The following COPG2 variants were observed in gnomAD, a reference collection of about 807,000 sequenced individuals.
The protein encoded by COPG2 is coatomer subunit gamma-2.
A neutral mutation model predicts 46.3 loss-of-function variants in COPG2; 37 were observed. The ratio of observed to expected loss-of-function variants is 0.80; its 90% CI spans 0.61 to 1.05. COPG2 has a LOEUF of 1.05. Among genes scored for constraint, COPG2 ranks in the 50% least tolerant of loss-of-function variants. The pLI, the probability that COPG2 is intolerant of heterozygous loss-of-function variation, is 0.00. For missense variants in COPG2, 427 were observed against 387.8 expected, an observed-to-expected ratio of 1.10 and a Z score of -0.85; for synonymous variants, 159 against 129.7, an observed-to-expected ratio of 1.23 and a Z score of -1.53.
intron 9 of COPG2, among the ~76,000 whole-genome samples, chr7:130,566,013 GA>G (rs1320816082): frequency 1.3e-5 from 2 of 152,024 alleles, no homozygotes; most frequent in East Asian, 3.9e-4. Flanking sequence ...ACACAAAGGG[GA>G]AAAAGAACAT....
intron 9 of COPG2, chr7:130,608,371 A>G: frequency 3.9e-6 from 1 of 254,344 alleles, no homozygotes; most frequent in South Asian, 4.7e-5. Context: ...TTACCTTTTA[A>G]TTTACCTACA....
rs782480117 is a variant in COPG2 at position 130,611,027 on chromosome 7, A to G, written c.663T>C (p.Ser221=). The change falls in exon 9 of 24, where the codon TCT becomes TCC. Residue 221 remains serine (S), a synonymous_variant. Coordinates refer to ENST00000425248, the MANE Select transcript of COPG2 (RefSeq NM_012133.6). The part of the protein sequence containing the change: ...VSKMLNKFTK[S]GLKSQFAYCM... Reference sequence around the variant, plus strand: ...AGTAAGCAAACTGTGACTTGAGACCAGATTTAGTAAACTTATTCAACATCT... The same window carrying G: ...AGTAAGCAAACTGTGACTTGAGACCGGATTTAGTAAACTTATTCAACATCT... The G allele has an allele frequency of 1.5e-5, 24 of 1,613,860 alleles. No homozygotes were observed. Among genetic ancestry groups the G allele is most frequent in the Non-Finnish European group, 2.0e-5 (24 of 1,179,868 alleles).
At chr7:130,581,924 A>G (rs2116440967) in intron 9 of COPG2, among the ~76,000 whole-genome samples, 1 of 150,510 alleles carries the variant, frequency 6.6e-6, no homozygotes, top group Non-Finnish European at 1.5e-5. Context: ...CATACTGCCC[A>G]AGGTAATTTA....
intron 5 of COPG2, among the ~76,000 whole-genome samples, chr7:130,634,984 T>C (rs1297233502): frequency 6.6e-6 from 1 of 151,450 alleles, no homozygotes; most frequent in African/African-American, 2.4e-5. Context: ...GTTTTTGTCA[T>C]TGGCTCTGTT....
chr7:130,646,672 T>C (rs1319756353), intron 5 of COPG2, among the ~76,000 whole-genome samples: 2 of 151,880 alleles, frequency 1.3e-5, no homozygotes, highest in African/African-American at 4.8e-5. Flanking sequence ...AGGTAGGTGA[T>C]TGGATCATGG....
chr7:130,646,809 T>C (rs1012745504), intron 5 of COPG2, among the ~76,000 whole-genome samples: 4 of 151,734 alleles, frequency 2.6e-5, no homozygotes, highest in African/African-American at 9.7e-5. Flanking sequence ...ATGTGCCTGC[T>C]TCCCCTTCTG....
At chr7:130,641,622 G>T (rs1292227023) in intron 5 of COPG2, among the ~76,000 whole-genome samples, 5 of 152,188 alleles carry the variant, frequency 3.3e-5, no homozygotes, top group African/African-American at 4.8e-5. Flanking sequence ...GAAGTTACTG[G>T]AAATCTTTGA....
intron 5 of COPG2, among the ~76,000 whole-genome samples, chr7:130,619,536 C>A (rs1219654415): frequency 6.6e-6 from 1 of 152,098 alleles, no homozygotes; most frequent in African/African-American, 2.4e-5. Context: ...TAGTATTATT[C>A]TTTTTGTATT....
intron 1 of COPG2, among the ~76,000 whole-genome samples, chr7:130,668,283 C>A (rs1554461774): frequency 2.0e-5 from 3 of 152,022 alleles, no homozygotes; most frequent in Non-Finnish European, 2.9e-5. Flanking sequence ...CCGACCCTAC[C>A]AGCACCCCTG....
At chr7:130,618,059 C>G (rs1396208900) in intron 5 of COPG2, among the ~76,000 whole-genome samples, 1 of 130,730 alleles carries the variant, frequency 7.6e-6, no homozygotes, top group Non-Finnish European at 1.6e-5. Context: ...TGAGATGGCA[C>G]CACTGTACTC....
At chr7:130,577,779 A>AC (rs1386469051) in intron 9 of COPG2, among the ~76,000 whole-genome samples, 7 of 151,106 alleles carry the variant, frequency 4.6e-5, no homozygotes, top group African/African-American at 1.7e-4. Flanking sequence ...AAAAAAAAAA[A>AC]AAAAAAAAAC....
In COPG2 at chr7:130,653,607, C is replaced by A. The variant is rs536069326; in HGVS notation, c.244-659G>T. 2.6e-5 allele frequency among the ~76,000 whole-genome samples: 4 copies of A among 152,298 alleles called. No individual in the cohort carries two copies. The South Asian group carries it at 8.3e-4, about 32-fold the overall frequency. ...GCTAACAATGCTCCACCTACTCTCC[C>A]CGACTCAACTGGATCTCTGATTTAT... On this transcript the variant is annotated intron_variant, in intron 4 of 23. Transcript: ENST00000425248.
chr7:130,560,664 A>T (rs1793704466), intron 12 of COPG2, among the ~76,000 whole-genome samples: 2 of 152,338 alleles, frequency 1.3e-5, no homozygotes, highest in South Asian at 4.1e-4. Context: ...CCTAAAATAT[A>T]TGGGTATTTG....
In COPG2 at chr7:130,508,637, G is replaced by A. The variant is rs1275556228; in HGVS notation, c.2172C>T (p.Thr724=). 1 of 771,140 alleles carries A rather than the reference G, an allele frequency of 1.3e-6. No homozygotes were observed. The highest frequency in any genetic ancestry group is 2.4e-6 in the Non-Finnish European group (1 of 413,800). The allele number at this position is 771,140 out of a possible 1,614,324, so 47.8% of individuals were successfully genotyped here. A position where few individuals can be genotyped will look rare whatever the true frequency, so the allele number is the denominator to read the frequency against. Residue 724 remains threonine, a synonymous_variant, in exon 21 of 24, where the codon ACC becomes ACT. Coordinates refer to ENST00000425248, the MANE Select transcript of COPG2 (RefSeq NM_012133.6). The part of the protein sequence containing the change: ...PTAVAGSFSC[T]MKFTVRDCDP... ...CACAGTCCCGGACTGTAAACTTCAT[G>A]GTGCAGCTAAAGGAGCCTGCAACTG... is the stretch of plus-strand genomic sequence containing the variant.
chr7:130,663,101 T>C (rs1554461003), intron 3 of COPG2, 63 bp from the exon 4 acceptor site: 2 of 800,374 alleles, frequency 2.5e-6, no homozygotes, highest in South Asian at 2.1e-5. Context: ...TATGTACATA[T>C]ACACACACAG....
intron 5 of COPG2, among the ~76,000 whole-genome samples, chr7:130,618,678 T>C (rs1343952193): frequency 1.3e-5 from 2 of 152,184 alleles, no homozygotes; most frequent in African/African-American, 4.8e-5. Flanking sequence ...ATCAAGTATA[T>C]TATTCATATC....
At chr7:130,523,572 C>T (rs892305659) in intron 20 of COPG2, among the ~76,000 whole-genome samples, 9 of 151,896 alleles carry the variant, frequency 5.9e-5, no homozygotes, top group Non-Finnish European at 1.2e-4. Flanking sequence ...ACACAGTTCC[C>T]GACAGACCAG....
intron 9 of COPG2, chr7:130,604,779 A>G: frequency 2.0e-6 from 1 of 504,004 alleles, no homozygotes; most frequent in South Asian, 1.5e-5. Flanking sequence ...TTAATAGTCC[A>G]CCAATAAGTA....
intron 20 of COPG2, among the ~76,000 whole-genome samples, chr7:130,543,811 G>A (rs1401191083): frequency 6.6e-6 from 1 of 152,066 alleles, no homozygotes; most frequent in Admixed American, 6.6e-5. Context: ...AGTCAAGTCA[G>A]CAACAAAAAT....
Sources: gnomAD v4.1 joint callset for allele counts (sites outside exome capture counted in the v4.1 genomes callset) on GRCh38, gnomAD v4.1.1 for gene constraint, MANE v1.5 for transcripts, NCBI Gene and HGNC (gene_info 2026-07-23, HGNC 2026-07-21) for gene names.